KDM2A: variants seen among roughly 807,000 people sequenced by gnomAD.
KDM2A encodes the protein lysine demethylase 2A, also known as lysine-specific demethylase 2A.
In KDM2A, 3 loss-of-function variants were observed where a neutral mutation model predicts 137.3. That is an observed-to-expected ratio of 0.02 (90% confidence interval 0.01 to 0.06). The LOEUF is 0.06. Among genes scored for constraint, KDM2A ranks in the 10% least tolerant of loss-of-function variants. The pLI is 1.00. For synonymous variants in KDM2A, 512 were observed against 541.5 expected (o/e 0.95, Z 0.76); for missense variants, 738 against 1,510.6 (o/e 0.49, Z 8.48).
chr11:67,246,923 T>C (rs1042766689), intron 15 of KDM2A, among the ~76,000 whole-genome samples: 3 of 151,210 alleles, frequency 2.0e-5, no homozygotes, highest in Non-Finnish European at 4.4e-5. Flanking sequence ...ATATGTTGAA[T>C]GAAGAACCGG....
chr11:67,247,063 A>AT (rs1212913269), intron 15 of KDM2A, among the ~76,000 whole-genome samples: 20 of 25,014 alleles, frequency 8.0e-4, no homozygotes, highest in African/African-American at 2.1e-3. Context: ...ATATATATAT[A>AT]TATATATATT....
At chr11:67,145,465 TC>T (rs1371291310) in intron 2 of KDM2A, among the ~76,000 whole-genome samples, 1 of 151,798 alleles carries the variant, frequency 6.6e-6, no homozygotes, top group African/African-American at 2.4e-5. Context: ...ACTCCAGCCT[TC>T]CAGAGTGAGA....
At chr11:67,243,662 A>T (rs1209747635) in intron 13 of KDM2A, 1 of 152,262 alleles carries the variant, frequency 6.6e-6, no homozygotes, top group Non-Finnish European at 1.5e-5. Flanking sequence ...AAAAATACAA[A>T]AATTAAGCCA....
At chr11:67,208,976 C>T (rs570358737) in intron 6 of KDM2A, among the ~76,000 whole-genome samples, 7 of 151,576 alleles carry the variant, frequency 4.6e-5, no homozygotes, top group South Asian at 2.1e-4. Context: ...CATTGTTGCC[C>T]GGGATATAGA....
At chr11:67,176,780 A>G (rs1856979806) in intron 2 of KDM2A, among the ~76,000 whole-genome samples, 1 of 152,172 alleles carries the variant, frequency 6.6e-6, no homozygotes, top group South Asian at 2.1e-4. Context: ...CAGTGAAAAT[A>G]TGGTATAAAA....
At chr11:67,232,397 T>C (rs539963382) in intron 12 of KDM2A, among the ~76,000 whole-genome samples, 1 of 152,238 alleles carries the variant, frequency 6.6e-6, no homozygotes, top group Non-Finnish European at 1.5e-5. Flanking sequence ...CTCTTTAGAT[T>C]CAAATTTATC....
intron 2 of KDM2A, among the ~76,000 whole-genome samples, chr11:67,172,864 C>T (rs1349202521): frequency 6.6e-6 from 1 of 152,026 alleles, no homozygotes; most frequent in Non-Finnish European, 1.5e-5. Flanking sequence ...GGAGAGCTTT[C>T]AGTCTTTCAC....
In KDM2A at chr11:67,250,872, T is replaced by A; in HGVS notation, c.2768+74T>A. Reference sequence around the variant, plus strand: ...GCAGGTTTTCCATATGAGAACAGCATGCACCTTGGCATCTGAAAGCCTGTG... The same window carrying A: ...GCAGGTTTTCCATATGAGAACAGCAAGCACCTTGGCATCTGAAAGCCTGTG... On this transcript the variant is annotated intron_variant, in intron 17 of 20. Coordinates refer to ENST00000529006, the MANE Select transcript of KDM2A (RefSeq NM_012308.3). This position sits in a 1 kb window ranked among gnomAD's most constrained non-coding sequence, Gnocchi z 7.1. 8.8e-7 allele frequency: 1 copy of A among 1,132,660 alleles called. No individual in the cohort carries two copies. The highest frequency in any genetic ancestry group is 1.3e-6 in the Non-Finnish European group (1 of 787,868). 70.2% of individuals were successfully genotyped at this position (1,132,660 alleles called of 1,614,324 possible).
intron 12 of KDM2A, among the ~76,000 whole-genome samples, chr11:67,233,162 A>G (rs1858767534): frequency 6.6e-6 from 1 of 152,154 alleles, no homozygotes; most frequent in Non-Finnish European, 1.5e-5. Context: ...GCTAATCTAC[A>G]AGTTGTAATG....
chr11:67,249,313 T>C (rs1859337687), intron 16 of KDM2A, among the ~76,000 whole-genome samples: 1 of 152,180 alleles, frequency 6.6e-6, no homozygotes, highest in South Asian at 2.1e-4. Context: ...TTCTAATACA[T>C]TGGAAAAGGT....
Position 67,255,078 on chromosome 11 carries a change from C to A in KDM2A, c.*23C>A, listed in dbSNP as rs779619905. The A allele has an allele frequency of 1.3e-6, 2 of 1,594,638 alleles. No individual in the cohort carries two copies. The highest frequency in any genetic ancestry group is 1.7e-6 in the Non-Finnish European group (2 of 1,170,588). ...TAAGACACACCCAGCCCAGATTCAA[C>A]AGGAAACCGATCTTCCCCTGACTCC... is the stretch of plus-strand genomic sequence containing the variant. On this transcript the variant is annotated 3_prime_UTR_variant, in exon 21 of 21. Transcript: ENST00000529006.
intron 5 of KDM2A, chr11:67,196,592 A>G: frequency 2.5e-6 from 1 of 392,548 alleles, no homozygotes; most frequent in South Asian, 1.9e-5. Flanking sequence ...CATGAATCCT[A>G]AGGACTTATG....
chr11:67,230,498 T>C (rs1436116594), intron 11 of KDM2A, among the ~76,000 whole-genome samples: 1 of 151,998 alleles, frequency 6.6e-6, no homozygotes, highest in Non-Finnish European at 1.5e-5. Flanking sequence ...TTGGGGCACA[T>C]GCCTCTGGTC....
intron 5 of KDM2A, among the ~76,000 whole-genome samples, chr11:67,189,351 A>G (rs1165443046): frequency 6.6e-6 from 1 of 152,228 alleles, no homozygotes; most frequent in Admixed American, 6.5e-5. Context: ...AATGAACACA[A>G]CACAGCCTAC....
intron 2 of KDM2A, among the ~76,000 whole-genome samples, chr11:67,124,477 A>G (rs1354278698): frequency 1.3e-5 from 2 of 150,716 alleles, no homozygotes; most frequent in Admixed American, 6.6e-5. Context: ...ATGCCCGGCT[A>G]ATTTTTTTGT....
chr11:67,203,484 ATATT>A (rs1473789441), intron 5 of KDM2A, among the ~76,000 whole-genome samples: 28 of 147,566 alleles, frequency 1.9e-4, no homozygotes, highest in Non-Finnish European at 3.0e-4. Flanking sequence ...TTATTAATAT[ATATT>A]AATATATTTT....
intron 2 of KDM2A, among the ~76,000 whole-genome samples, chr11:67,140,842 G>T (rs2136293511): frequency 6.6e-6 from 1 of 152,088 alleles, no homozygotes; most frequent in South Asian, 2.1e-4. Flanking sequence ...TTATTTATTG[G>T]GTCTACTTTA....
chr11:67,130,701 G>A lies in KDM2A; in HGVS notation c.42+9343G>A, dbSNP rs193016519. Among the ~76,000 whole-genome samples the A allele has an allele frequency of 6.6e-5, 10 of 152,084 alleles. No homozygotes were observed. The East Asian group carries it at 1.9e-3, about 29-fold the overall frequency. On this transcript the variant is annotated intron_variant, in intron 2 of 20. Coordinates refer to ENST00000529006, the MANE Select transcript of KDM2A (RefSeq NM_012308.3). ...ATTTTCTCTGTTTATCTCACTTTTG[G>A]AATAATACTTTATTTTTGCATTGCA... is the stretch of plus-strand genomic sequence containing the variant.
chr11:67,237,940 C>T (rs1858917665), intron 12 of KDM2A, among the ~76,000 whole-genome samples: 1 of 151,660 alleles, frequency 6.6e-6, no homozygotes, highest in Non-Finnish European at 1.5e-5. Flanking sequence ...AAATTTATAT[C>T]CTGTTATAGG....
Sources: gnomAD v4.1 joint callset for allele counts (sites outside exome capture counted in the v4.1 genomes callset) on GRCh38, gnomAD v4.1.1 for gene constraint, Gnocchi (gnomAD v3.1) non-coding constraint, MANE v1.5 for transcripts, NCBI Gene and HGNC (gene_info 2026-07-23, HGNC 2026-07-21) for gene names.